ADHFE1: variants seen among roughly 807,000 people sequenced by gnomAD.
The protein encoded by ADHFE1 is alcohol dehydrogenase iron containing 1.
In ADHFE1, 37 loss-of-function variants were observed where a neutral mutation model predicts 54.8. The ratio of observed to expected loss-of-function variants is 0.68; its 90% CI spans 0.52 to 0.89. The LOEUF (loss-of-function observed/expected upper bound fraction) is 0.89. Ranked by LOEUF, ADHFE1 falls within the 40% of genes least tolerant of loss-of-function variation. The pLI is 0.00. For synonymous variants in ADHFE1, 203 were observed against 229.3 expected (o/e 0.89, Z 1.04); for missense variants, 601 against 591.2 (o/e 1.02, Z -0.17).
Position 66,440,435 on chromosome 8 carries a change from C to CACAG in ADHFE1, c.97+236_97+237insACAG, listed in dbSNP as rs1805691420. On this transcript the variant is annotated intron_variant, in intron 2 of 13. Coordinates refer to ENST00000396623, the MANE Select transcript of ADHFE1 (RefSeq NM_144650.3). ...TATCTATTTAATGCTACTTACAACG[C>CACAG]TTTTCTCTTTTAATTACTTGCCAAG... 3.3e-5 allele frequency among the ~76,000 whole-genome samples: 5 copies of CACAG among 152,152 alleles called. No homozygotes were observed. In the South Asian group the frequency reaches 1.0e-3, roughly 32 times the overall value.
chr8:66,461,733 A>C (rs1036040547), intron 13 of ADHFE1, among the ~76,000 whole-genome samples: 2 of 151,982 alleles, frequency 1.3e-5, no homozygotes, highest in African/African-American at 4.8e-5. Flanking sequence ...ACCAACTCTC[A>C]AGAAAAATCA....
Position 66,468,287 on chromosome 8 carries a change from G to A in ADHFE1, c.1339G>A (p.Ala447Thr). The change falls in exon 14 of 14, where the codon GCA (alanine) becomes ACA (threonine). Residue 447 changes from alanine (A) to threonine (T), a missense_variant. By Grantham distance (58) the Ala-to-Thr change is moderately conservative (BLOSUM62 0). Coordinates refer to ENST00000396623, the MANE Select transcript of ADHFE1 (RefSeq NM_144650.3). ...GTTTCAGGAAAGGGTCACCAAGCTT[G>A]CACCCTGTCCCCAGTCAGAAGAGGA... Reference protein sequence around the residue: ...TLPQERVTKLAPCPQSEEDLA... With the variant: ...TLPQERVTKLTPCPQSEEDLA... 1.2e-6 allele frequency: 2 copies of A among 1,612,700 alleles called. No individual in the cohort carries two copies. Among genetic ancestry groups the A allele is most frequent in the Non-Finnish European group, 1.7e-6 (2 of 1,179,340 alleles).
Position 66,439,407 on chromosome 8 carries a change from G to T in ADHFE1, c.60-755G>T, listed in dbSNP as rs1805630835. On this transcript the variant is annotated intron_variant, in intron 1 of 13. Transcript: ENST00000396623. This position sits in a 1 kb window ranked among gnomAD's most constrained non-coding sequence, Gnocchi z 4.4. The stretch of plus-strand genomic sequence containing the variant: ...CAGAGGAGAGACTGGGACTGTCCAG[G>T]AAATAGGAGACGACCAGGACAGGAA... The T allele has an allele frequency of 2.0e-6, 2 of 985,820 alleles. No individual in the cohort carries two copies. Among genetic ancestry groups the T allele is most frequent in the Non-Finnish European group, 2.4e-6 (2 of 830,200 alleles). The allele number at this position is 985,820 out of a possible 1,614,324, so 61.1% of individuals were successfully genotyped here.
At chr8:66,450,126 T>C (rs776014932) in intron 8 of ADHFE1, among the ~76,000 whole-genome samples, 3 of 152,238 alleles carry the variant, frequency 2.0e-5, no homozygotes, top group Admixed American at 2.0e-4. Context: ...TCCCTCACTA[T>C]GTTATGCTGC....
At chr8:66,460,568 C>G (rs1806843608) in intron 13 of ADHFE1, 103 bp downstream of exon 13, 1 of 1,417,668 alleles carries the variant, frequency 7.1e-7, no homozygotes. Flanking sequence ...ACCAGGGCTC[C>G]CCGGTGGTTC....
Position 66,439,818 on chromosome 8 carries a change from G to A in ADHFE1, c.60-344G>A. ...CGATTTGGTCAACGCTCCTAACCCA[G>A]TAAGAGCTGGGGCTTCATGGAGACC... On this transcript the variant is annotated intron_variant, in intron 1 of 13. Transcript: ENST00000396623. This position sits in a 1 kb window ranked among gnomAD's most constrained non-coding sequence, Gnocchi z 4.4. 1 of 1,090,990 alleles carries A rather than the reference G, an allele frequency of 9.2e-7. No individual in the cohort carries two copies. Among genetic ancestry groups the A allele is most frequent in the Non-Finnish European group, 1.1e-6 (1 of 887,260 alleles). The allele number at this position is 1,090,990 out of a possible 1,614,324, so 67.6% of individuals were successfully genotyped here. A position where few individuals can be genotyped will look rare whatever the true frequency, so the allele number is the denominator to read the frequency against.
At chr8:66,440,725 CAA>C (rs1805704605) in intron 2 of ADHFE1, among the ~76,000 whole-genome samples, 1 of 152,142 alleles carries the variant, frequency 6.6e-6, no homozygotes, top group African/African-American at 2.4e-5. Context: ...TACCAAACAC[CAA>C]ACACTGTGGT....
intron 12 of ADHFE1, among the ~76,000 whole-genome samples, chr8:66,457,921 A>G (rs181764210): frequency 1.3e-5 from 2 of 152,336 alleles, no homozygotes; most frequent in East Asian, 3.9e-4. Context: ...TAGAGAATCA[A>G]AACAACTGGA....
rs1805625849 is a variant in ADHFE1 at position 66,439,318 on chromosome 8, A to C, written c.60-844A>C. ...ACCACTGGACAAGGTCTTCTGGGCA[A>C]CCCAACGAAACATAAAACCGTCTTC... On this transcript the variant is annotated intron_variant, in intron 1 of 13. Coordinates refer to ENST00000396623, the MANE Select transcript of ADHFE1 (RefSeq NM_144650.3). This position sits in a 1 kb window ranked among gnomAD's most constrained non-coding sequence, Gnocchi z 4.4. 1 of 985,444 alleles carries C rather than the reference A, an allele frequency of 1.0e-6. No individual in the cohort carries two copies. The highest frequency in any genetic ancestry group is 1.2e-6 in the Non-Finnish European group (1 of 830,074). 61.0% of individuals were successfully genotyped at this position (985,444 alleles called of 1,614,324 possible). A position where few individuals can be genotyped will look rare whatever the true frequency, so the allele number is the denominator to read the frequency against.
At chr8:66,433,093 G>A (rs924181749) in intron 1 of ADHFE1, among the ~76,000 whole-genome samples, 1 of 152,116 alleles carries the variant, frequency 6.6e-6, no homozygotes, top group Admixed American at 6.5e-5. Flanking sequence ...CACACTTCCT[G>A]GCATGTACAG....
chr8:66,445,121 A>G (rs993314044), intron 5 of ADHFE1, 97 bp from the exon 6 acceptor site: 49 of 1,254,688 alleles, frequency 3.9e-5, no homozygotes, highest in Non-Finnish European at 4.7e-5. Flanking sequence ...CAAAAACAAA[A>G]AAAACCCCAC....
intron 1 of ADHFE1, among the ~76,000 whole-genome samples, chr8:66,434,610 G>A (rs1805369170): frequency 6.6e-6 from 1 of 152,212 alleles, no homozygotes; most frequent in South Asian, 2.1e-4. Flanking sequence ...TTTCATCTGG[G>A]CAAAGTGGGC....
chr8:66,435,914 C>CTTT (rs35544367), intron 1 of ADHFE1, among the ~76,000 whole-genome samples: 2 of 102,542 alleles, frequency 2.0e-5, no homozygotes, highest in African/African-American at 3.7e-5. Flanking sequence ...TAGCAAGATT[C>CTTT]TTTTTTTTTT....
intron 9 of ADHFE1, among the ~76,000 whole-genome samples, chr8:66,453,099 C>T (rs1806387266): frequency 6.6e-6 from 1 of 152,220 alleles, no homozygotes; most frequent in Non-Finnish European, 1.5e-5. Flanking sequence ...TAGATCCAAA[C>T]AGACACGCAT....
In ADHFE1 at chr8:66,468,462, A is replaced by C. The variant is rs1165079306; in HGVS notation, c.*110A>C. 11 of 779,734 alleles carry C rather than the reference A, an allele frequency of 1.4e-5. No homozygotes were observed. The highest frequency in any genetic ancestry group is 2.0e-5 in the Non-Finnish European group (10 of 509,720). The allele number at this position is 779,734 out of a possible 1,614,324, so 48.3% of individuals were successfully genotyped here. On this transcript the variant is annotated 3_prime_UTR_variant, in exon 14 of 14. Transcript: ENST00000396623. ...CTTTGCGCATAACTTACCTGTTACCAGTATAGGTGGGATATACATTTATCT... is the reference window on the plus strand; with the variant it reads ...CTTTGCGCATAACTTACCTGTTACCCGTATAGGTGGGATATACATTTATCT...
At chr8:66,459,652 G>T (rs1806793023) in intron 12 of ADHFE1, 1 of 151,898 alleles carries the variant, frequency 6.6e-6, no homozygotes, top group South Asian at 2.1e-4. Context: ...TGTTTTCTGA[G>T]AGCCTTCATG....
intron 9 of ADHFE1, among the ~76,000 whole-genome samples, chr8:66,453,250 C>T (rs1372245252): frequency 6.6e-6 from 1 of 152,186 alleles, no homozygotes; most frequent in East Asian, 1.9e-4. Context: ...AAGGAACTAA[C>T]ATGGGGTTTC....
At chr8:66,455,529 C>T (rs1001192543) in intron 10 of ADHFE1, among the ~76,000 whole-genome samples, 1 of 152,234 alleles carries the variant, frequency 6.6e-6, no homozygotes, top group Non-Finnish European at 1.5e-5. Flanking sequence ...ATTGGCAACA[C>T]CTTTCCAAAA....
chr8:66,466,347 A>C (rs190366974), intron 13 of ADHFE1, among the ~76,000 whole-genome samples: 5 of 151,486 alleles, frequency 3.3e-5, no homozygotes, highest in African/African-American at 9.7e-5. Flanking sequence ...CAGCCTCCCA[A>C]AGTGCTGGGA....
Sources: gnomAD v4.1 joint callset for allele counts (sites outside exome capture counted in the v4.1 genomes callset) on GRCh38, gnomAD v4.1.1 for gene constraint, Gnocchi (gnomAD v3.1) non-coding constraint, MANE v1.5 for transcripts, NCBI Gene and HGNC (gene_info 2026-07-23, HGNC 2026-07-21) for gene names.